The following G3BP2 variants were observed in gnomAD, a reference collection of about 807,000 sequenced individuals.
G3BP2 encodes the protein ras GTPase-activating protein-binding protein 2.
Under a neutral mutation model 56.7 loss-of-function variants are expected in G3BP2, and 11 were observed. The ratio of observed to expected loss-of-function variants is 0.19; its 90% confidence interval spans 0.12 to 0.32. G3BP2 has a LOEUF of 0.32. Among genes scored for constraint, G3BP2 ranks in the 10% least tolerant of loss-of-function variants. The probability of loss-of-function intolerance (pLI) is 1.00; values close to 1 mark genes in which losing one functional copy is unlikely to be tolerated. For synonymous variants in G3BP2, 165 were observed against 191.6 expected, an observed-to-expected ratio of 0.86 and a Z score of 1.15; for missense variants, 340 against 610.9, an observed-to-expected ratio of 0.56 and a Z score of 4.67.
chr4:75,673,420 C>G (rs946422696), upstream of G3BP2: 2 of 1,232,182 alleles, frequency 1.6e-6, no homozygotes, highest in Non-Finnish European at 2.0e-6. Context: ...CGTCCCGCCC[C>G]CTTTGCCACC....
At chr4:75,709,331 A>G (rs1719665854) in intron 3 of G3BP2, among the ~76,000 whole-genome samples, 1 of 146,374 alleles carries the variant, frequency 6.8e-6, no homozygotes, top group South Asian at 2.2e-4. Context: ...GAGGAAGGAG[A>G]ATCGCTTGAA....
Position 75,700,189 on chromosome 4 carries a change from G to A in G3BP2, c.-25+20688C>T, listed in dbSNP as rs189771551. ...CTGCCTCAGACTCCCAAGTAGCTGG[G>A]ATTACAGGCACGTGCCACCACACCC... On this transcript the variant is annotated intron_variant, in intron 3 of 3. Coordinates refer to the G3BP2 transcript ENST00000499709. Among the ~76,000 whole-genome samples the A allele has an allele frequency of 2.9e-3, 437 of 151,920 alleles. 4 individuals are homozygous for A. The highest frequency in any genetic ancestry group is 0.01 in the African/African-American group (415 of 41,450).
intron 3 of G3BP2, among the ~76,000 whole-genome samples, chr4:75,717,801 C>T (rs1175737203): frequency 6.6e-6 from 1 of 152,080 alleles, no homozygotes; most frequent in Non-Finnish European, 1.5e-5. Flanking sequence ...AGAAACAGTG[C>T]TAGGGCCTGG....
chr4:75,661,852 A>G (rs371928960), intron 2 of G3BP2, 79 bp downstream of exon 2: 1 of 699,402 alleles, frequency 1.4e-6, no homozygotes, highest in Non-Finnish European at 2.6e-6. Context: ...TAATGAGGAG[A>G]CAGGAAATGC....
At chr4:75,655,899 T>C (rs899602485) in intron 5 of G3BP2, 29 bp from the exon 6 acceptor site, 6 of 1,108,028 alleles carry the variant, frequency 5.4e-6, no homozygotes, top group Admixed American at 1.7e-5. Flanking sequence ...GCACATCTTT[T>C]TTAAAGAGGC....
chr4:75,651,576 G>A (rs563741045), intron 8 of G3BP2, among the ~76,000 whole-genome samples: 42 of 152,274 alleles, frequency 2.8e-4, no homozygotes, highest in African/African-American at 1.0e-3. Context: ...GTAACTGATT[G>A]ACATATGTTA....
intron 3 of G3BP2, among the ~76,000 whole-genome samples, chr4:75,714,062 A>G (rs1719846569): frequency 2.0e-5 from 3 of 152,196 alleles, no homozygotes; most frequent in South Asian, 4.1e-4. Context: ...TAAACACAAC[A>G]TATAATCCTG....
At chr4:75,669,310 TAA>T (rs1032248562) in intron 1 of G3BP2, among the ~76,000 whole-genome samples, 3 of 152,228 alleles carry the variant, frequency 2.0e-5, no homozygotes, top group East Asian at 3.8e-4. Flanking sequence ...TTATTTCTGT[TAA>T]AAGTGTCATA....
intron 5 of G3BP2, 123 bp from the exon 6 acceptor site, chr4:75,655,993 C>CTTTTT: frequency 4.0e-6 from 2 of 496,708 alleles, no homozygotes; most frequent in Non-Finnish European, 7.2e-6. Flanking sequence ...ATTTTCTTTC[C>CTTTTT]TTTTTTTTTT....
chr4:75,655,356 G>C, intron 6 of G3BP2, 110 bp from the exon 7 acceptor site: 3 of 778,116 alleles, frequency 3.9e-6, no homozygotes, highest in Non-Finnish European at 6.4e-6. Flanking sequence ...ACTTGTTCTA[G>C]ATCTACAAAG....
At chr4:75,646,546 C>A (rs757382180) in intron 10 of G3BP2, 90 bp from the exon 11 acceptor site, 3 of 827,870 alleles carry the variant, frequency 3.6e-6, no homozygotes, top group Non-Finnish European at 6.2e-6. Flanking sequence ...TCGTTATCTC[C>A]CCGATCCATT....
At chr4:75,653,052 G>C (rs1731815450) in intron 8 of G3BP2, among the ~76,000 whole-genome samples, 3 of 151,636 alleles carry the variant, frequency 2.0e-5, no homozygotes, top group African/African-American at 7.3e-5. Context: ...ATGGAACTCT[G>C]GGTGACCATC....
intron 3 of G3BP2, among the ~76,000 whole-genome samples, chr4:75,685,453 A>G (rs1335408982): frequency 6.7e-6 from 1 of 149,666 alleles, no homozygotes; most frequent in Non-Finnish European, 1.5e-5. Context: ...GTGAGCCGAG[A>G]TCGCGTCACT....
At chr4:75,706,864 T>C (rs868243496) in intron 3 of G3BP2, among the ~76,000 whole-genome samples, 1 of 152,078 alleles carries the variant, frequency 6.6e-6, no homozygotes, top group South Asian at 2.1e-4. Flanking sequence ...CTATTATGCA[T>C]AGCAAGGGGA....
At chr4:75,700,962 C>T (rs771516175) in intron 3 of G3BP2, among the ~76,000 whole-genome samples, 2 of 151,936 alleles carry the variant, frequency 1.3e-5, no homozygotes, top group Non-Finnish European at 2.9e-5. Context: ...CCTCAGCCTC[C>T]GGAGTAGCTG....
At chr4:75,692,177 T>C (rs1224088238) in intron 3 of G3BP2, among the ~76,000 whole-genome samples, 1 of 152,240 alleles carries the variant, frequency 6.6e-6, no homozygotes, top group African/African-American at 2.4e-5. Context: ...TTCAGAACCC[T>C]GTGCCTAGTG....
At chr4:75,696,633 G>A (rs1222046442) in intron 3 of G3BP2, among the ~76,000 whole-genome samples, 1 of 152,144 alleles carries the variant, frequency 6.6e-6, no homozygotes, top group Non-Finnish European at 1.5e-5. Context: ...GTGCCCAGTG[G>A]CCTTGGTAAA....
chr4:75,699,475 G>A (rs1315774199), intron 3 of G3BP2, among the ~76,000 whole-genome samples: 1 of 152,136 alleles, frequency 6.6e-6, no homozygotes, highest in Non-Finnish European at 1.5e-5. Flanking sequence ...ATCACACTCA[G>A]CCTGACCCTA....
At chr4:75,684,745 A>G (rs1560412683) in intron 3 of G3BP2, among the ~76,000 whole-genome samples, 1 of 152,082 alleles carries the variant, frequency 6.6e-6, no homozygotes, top group East Asian at 1.9e-4. Context: ...AAGGGTGGAT[A>G]TAGGGAATGT....
Sources: allele counts gnomAD v4.1 joint callset (sites outside exome capture counted in the v4.1 genomes callset), GRCh38; gene constraint gnomAD v4.1.1; transcripts MANE v1.5; gene names NCBI Gene and HGNC (gene_info 2026-07-23, HGNC 2026-07-21).